Variants in NEBL observed in about 807,000 individuals in gnomAD.
NEBL encodes the protein nebulette.
A neutral mutation model predicts 140.2 loss-of-function variants in NEBL; 122 were observed. The ratio of observed to expected loss-of-function variants is 0.87; its 90% CI spans 0.75 to 1.01. NEBL has a LOEUF of 1.01. Ranked by LOEUF, NEBL falls within the 50% of genes least tolerant of loss-of-function variation. NEBL has a pLI of 0.00. For synonymous variants in NEBL, 436 were observed against 398.9 expected (o/e 1.09, Z -1.11); for missense variants, 1,365 against 1,231.3 (o/e 1.11, Z -1.62).
chr10:21,109,880 T>C (rs143606020), intron 2 of NEBL, among the ~76,000 whole-genome samples: 26 of 152,302 alleles, frequency 1.7e-4, no homozygotes, highest in Non-Finnish European at 3.4e-4. Context: ...TGTGTCTATT[T>C]GATTCTTCTC....
chr10:21,230,692 C>A (rs551103241), intron 3 of NEBL, among the ~76,000 whole-genome samples: 1 of 151,680 alleles, frequency 6.6e-6, no homozygotes, highest in Admixed American at 6.6e-5. Context: ...GCAACCTCCG[C>A]CCCCTGGGTT....
chr10:20,877,270 A>C (rs1381060340), intron 5 of NEBL, among the ~76,000 whole-genome samples: 1 of 152,232 alleles, frequency 6.6e-6, no homozygotes, highest in Non-Finnish European at 1.5e-5. Context: ...CCCATTTTAC[A>C]GATGAGAAAA....
chr10:21,180,927 C>T (rs192372361), intron 3 of NEBL, among the ~76,000 whole-genome samples: 3 of 152,036 alleles, frequency 2.0e-5, no homozygotes, highest in African/African-American at 4.8e-5. Flanking sequence ...TCATTACCTG[C>T]AGGCCTGGGA....
chr10:20,888,880 A>G (rs1422688168), intron 3 of NEBL, among the ~76,000 whole-genome samples: 1 of 152,238 alleles, frequency 6.6e-6, no homozygotes. Flanking sequence ...CATAGCTAAG[A>G]CAAACAAACT....
chr10:21,060,729 C>G (rs1475725237), intron 2 of NEBL, among the ~76,000 whole-genome samples: 1 of 152,088 alleles, frequency 6.6e-6, no homozygotes. Context: ...ATTCTCTCTT[C>G]CATTTCAATC....
chr10:21,276,945 G>A (rs930549214), intron 1 of NEBL, among the ~76,000 whole-genome samples: 11 of 151,894 alleles, frequency 7.2e-5, no homozygotes, highest in African/African-American at 2.7e-4. Flanking sequence ...CTCCAGCCTG[G>A]GTGATAGAGT....
chr10:21,067,746 G>A (rs968960667), intron 2 of NEBL, among the ~76,000 whole-genome samples: 4 of 152,150 alleles, frequency 2.6e-5, no homozygotes, highest in Non-Finnish European at 4.4e-5. Context: ...GGAGGCTGAG[G>A]CAGGCAGATC....
intron 26 of NEBL, among the ~76,000 whole-genome samples, chr10:20,796,138 C>T (rs1357135239): frequency 5.3e-5 from 8 of 151,766 alleles, no homozygotes; most frequent in Admixed American, 1.3e-4. Context: ...CTGAGGCGGG[C>T]GGATCATTTG....
chr10:21,167,483 C>T (rs1011574568), intron 2 of NEBL, among the ~76,000 whole-genome samples: 17 of 152,286 alleles, frequency 1.1e-4, no homozygotes, highest in African/African-American at 2.2e-4. Flanking sequence ...TAAACTATTG[C>T]GTCGTTCCTT....
chr10:20,882,550 T>C (rs1846112332), intron 4 of NEBL, among the ~76,000 whole-genome samples: 1 of 152,114 alleles, frequency 6.6e-6, no homozygotes, highest in Admixed American at 6.6e-5. Flanking sequence ...AATGACAGAG[T>C]AGAAATGCAA....
intron 3 of NEBL, among the ~76,000 whole-genome samples, chr10:21,214,532 CACAT>C (rs1390374838): frequency 1.3e-5 from 2 of 151,306 alleles, no homozygotes; most frequent in Admixed American, 6.6e-5. Context: ...ACATTACACA[CACAT>C]ACACACATGC....
intron 3 of NEBL, among the ~76,000 whole-genome samples, chr10:21,010,347 C>T (rs771482496): frequency 1.3e-4 from 20 of 152,202 alleles, no homozygotes; most frequent in South Asian, 4.2e-4. Flanking sequence ...TGGGCTCAAG[C>T]GATCCTCCTA....
At chr10:20,985,707 T>C (rs12240966) in intron 3 of NEBL, among the ~76,000 whole-genome samples, 10,373 of 152,074 alleles carry the variant, frequency 0.068, 1,161 homozygotes, top group African/African-American at 0.23. Flanking sequence ...TCCCACAATC[T>C]ACTAGTATGC....
intron 4 of NEBL, among the ~76,000 whole-genome samples, chr10:20,925,116 C>A (rs930416836): frequency 1.3e-5 from 2 of 152,154 alleles, no homozygotes; most frequent in Non-Finnish European, 2.9e-5. Context: ...ATCCCCCAGG[C>A]TCCTTTTGTA....
chr10:21,276,507 A>G (rs1330239077), intron 1 of NEBL, among the ~76,000 whole-genome samples: 2 of 152,158 alleles, frequency 1.3e-5, no homozygotes, highest in African/African-American at 4.8e-5. Flanking sequence ...CTGAGCCACA[A>G]GTAGAATATG....
intron 2 of NEBL, among the ~76,000 whole-genome samples, chr10:21,115,997 A>C (rs1213711666): frequency 6.6e-6 from 1 of 151,988 alleles, no homozygotes; most frequent in Non-Finnish European, 1.5e-5. Context: ...CAAGTTTACT[A>C]ATGGTTGCTG....
chr10:21,008,923 TA>T (rs1241687866), intron 3 of NEBL, among the ~76,000 whole-genome samples: 3 of 151,374 alleles, frequency 2.0e-5, no homozygotes, highest in Admixed American at 6.6e-5. Flanking sequence ...ACATGTATAT[TA>T]CATATAATAT....
intron 4 of NEBL, among the ~76,000 whole-genome samples, chr10:20,937,431 C>T (rs1037752982): frequency 3.9e-5 from 6 of 152,130 alleles, no homozygotes; most frequent in African/African-American, 1.4e-4. Context: ...TGAAACAGGT[C>T]ACTTCAAAAG....
At chr10:21,016,376 AG>A (rs1838556114) in intron 3 of NEBL, among the ~76,000 whole-genome samples, 1 of 152,250 alleles carries the variant, frequency 6.6e-6, no homozygotes, top group Non-Finnish European at 1.5e-5. Context: ...ATTCCAAAAA[AG>A]CTTGAGAGGA....
Sources: allele counts gnomAD v4.1 joint callset (sites outside exome capture counted in the v4.1 genomes callset), GRCh38; gene constraint gnomAD v4.1.1; transcripts MANE v1.5; gene names NCBI Gene and HGNC (gene_info 2026-07-23, HGNC 2026-07-21).